STAG1: variants seen among roughly 807,000 people sequenced by gnomAD.
STAG1 encodes STAG1 cohesin complex component.
STAG1 carries 26 observed loss-of-function variants against 170.9 expected under a neutral mutation model. The observed-to-expected ratio is 0.15, with a 90% CI of 0.11 to 0.21. The LOEUF (loss-of-function observed/expected upper bound fraction) is 0.21, where lower values mean the gene tolerates loss of function less well. Ranked by LOEUF, STAG1 falls within the 10% of genes least tolerant of loss-of-function variation. The pLI is 1.00. For missense variants in STAG1, 964 were observed against 1,509.5 expected (o/e 0.64, Z 5.99); for synonymous variants, 514 against 497.7 (o/e 1.03, Z -0.44).
chr3:136,529,433 A>C (rs573779073), intron 6 of STAG1, among the ~76,000 whole-genome samples: 10 of 152,234 alleles, frequency 6.6e-5, no homozygotes, highest in Admixed American at 6.5e-4. Context: ...CTACCAGTAA[A>C]TTTCTCAGCA....
chr3:136,399,024 TAA>T lies in STAG1; in HGVS notation c.2197-197_2197-196del, dbSNP rs150201188. On this transcript the variant is annotated intron_variant, in intron 21 of 33. Transcript: ENST00000383202. ...CAAACCAATGTATCAATCTGGAGAA[TAA>T]AGACACAACATATGGGAATAAATAC... Among the ~76,000 whole-genome samples, 540 of 152,236 alleles carry T rather than the reference TAA, an allele frequency of 3.5e-3. 7 individuals are homozygous for T. The highest frequency in any genetic ancestry group is 0.012 in the African/African-American group (516 of 41,546).
Position 136,367,101 on chromosome 3 carries a change from T to C in STAG1, c.2546-19A>G. On this transcript the variant is annotated intron_variant, in intron 24 of 33. Transcript: ENST00000383202. ...TCACCCTCTAAACACAGATTACAAA[T>C]TGGTTATGAATTCTGGTACTTTATC... 6.3e-7 allele frequency: 1 copy of C among 1,579,682 alleles called. No homozygotes were observed. The highest frequency in any genetic ancestry group is 1.1e-5 in the South Asian group (1 of 87,100).
At chr3:136,535,551 T>A (rs1410714307) in intron 6 of STAG1, among the ~76,000 whole-genome samples, 2 of 152,210 alleles carry the variant, frequency 1.3e-5, no homozygotes, top group African/African-American at 2.4e-5. Flanking sequence ...TAATCCCAGC[T>A]ACTTGGGTGG....
intron 10 of STAG1, among the ~76,000 whole-genome samples, chr3:136,474,183 G>C (rs17298525): frequency 0.17 from 26,170 of 152,072 alleles, 2,806 homozygotes; most frequent in Non-Finnish European, 0.24. Context: ...CTTTAATAAA[G>C]TCATCAACTT....
chr3:136,541,547 C>CACACACACTCACACACACACACACAG, intron 6 of STAG1, among the ~76,000 whole-genome samples: 1 of 141,068 alleles, frequency 7.1e-6, no homozygotes, highest in Non-Finnish European at 1.6e-5. Context: ...TTCACACACA[C>CACACACACTCACACACACACACACAG]ACACACACAC....
intron 7 of STAG1, among the ~76,000 whole-genome samples, chr3:136,515,616 A>G (rs1934332939): frequency 6.6e-6 from 1 of 152,312 alleles, no homozygotes; most frequent in African/African-American, 2.4e-5. Context: ...TTATAAAGTA[A>G]TTTTTAAAAT....
chr3:136,653,254 A>G (rs1941275115), intron 1 of STAG1, among the ~76,000 whole-genome samples: 1 of 151,966 alleles, frequency 6.6e-6, no homozygotes, highest in South Asian at 2.1e-4. Flanking sequence ...CCTGGGCAAC[A>G]AGAGCAAAAC....
At chr3:136,528,103 C>A (rs1935157203) in intron 6 of STAG1, among the ~76,000 whole-genome samples, 1 of 152,178 alleles carries the variant, frequency 6.6e-6, no homozygotes, top group Non-Finnish European at 1.5e-5. Flanking sequence ...CCACTAATCT[C>A]CTCAAAGCTG....
intron 20 of STAG1, among the ~76,000 whole-genome samples, chr3:136,420,363 A>C (rs2087916089): frequency 6.6e-6 from 1 of 152,112 alleles, no homozygotes; most frequent in African/African-American, 2.4e-5. Context: ...TTTTTAAAAA[A>C]CAACTATTTT....
Position 136,502,501 on chromosome 3 carries a change from C to A in STAG1, c.828+127G>T. 3 of 1,031,998 alleles carry A rather than the reference C, an allele frequency of 2.9e-6. No individual in the cohort carries two copies. The South Asian group carries it at 5.5e-5, about 19-fold the overall frequency. 63.9% of individuals were successfully genotyped at this position (1,031,998 alleles called of 1,614,324 possible). On this transcript the variant is annotated intron_variant, in intron 8 of 33. Transcript: ENST00000383202. The stretch of plus-strand genomic sequence containing the variant: ...TGAACACTCCAGCTTCATTTGGAAA[C>A]CCTGACATCAAATAATCTAACTAAA...
chr3:136,362,975 C>A lies in STAG1; in HGVS notation c.2787+391G>T, dbSNP rs186781818. The stretch of plus-strand genomic sequence containing the variant: ...ATATATCCACTAGGCCCCCTGAAAT[C>A]ATTTTAAATTACTAAGCATTTATTA... On this transcript the variant is annotated intron_variant, in intron 26 of 33. Transcript: ENST00000383202. Among the ~76,000 whole-genome samples, 1,075 of 152,162 alleles carry A rather than the reference C, an allele frequency of 7.1e-3. 15 individuals are homozygous for A. Among genetic ancestry groups the A allele is most frequent in the African/African-American group, 0.023 (966 of 41,534 alleles).
intron 1 of STAG1, among the ~76,000 whole-genome samples, chr3:136,632,382 T>G (rs931360692): frequency 3.3e-5 from 5 of 152,172 alleles, no homozygotes; most frequent in African/African-American, 1.2e-4. Context: ...TTTGCTTACT[T>G]GCCTACCATC....
chr3:136,342,868 G>C (rs1014210818), intron 30 of STAG1, among the ~76,000 whole-genome samples: 1 of 152,170 alleles, frequency 6.6e-6, no homozygotes, highest in African/African-American at 2.4e-5. Context: ...CACCCTGTAG[G>C]AAGAGGGGTG....
chr3:136,738,275 G>C lies in STAG1; in HGVS notation c.-84+13920C>G, dbSNP rs1046726041. 5.3e-5 allele frequency among the ~76,000 whole-genome samples: 8 copies of C among 151,480 alleles called. No individual in the cohort carries two copies. In the East Asian group the frequency reaches 1.6e-3, roughly 30 times the overall value. On this transcript the variant is annotated intron_variant, in intron 1 of 33. Coordinates refer to ENST00000383202, the MANE Select transcript of STAG1 (RefSeq NM_005862.3). ...GGAGGCCAAGGCGGGCAGATCACCTGAGGTCGGGAGTTCGAGACCAGCCTG... is the reference window on the plus strand; with the variant it reads ...GGAGGCCAAGGCGGGCAGATCACCTCAGGTCGGGAGTTCGAGACCAGCCTG...
intron 7 of STAG1, among the ~76,000 whole-genome samples, chr3:136,511,420 G>C (rs1033321025): frequency 2.6e-5 from 4 of 152,174 alleles, no homozygotes; most frequent in African/African-American, 9.6e-5. Flanking sequence ...TGGTAGACTG[G>C]TTAAAGAAAA....
intron 1 of STAG1, among the ~76,000 whole-genome samples, chr3:136,647,290 G>T (rs974667903): frequency 6.6e-6 from 1 of 152,042 alleles, no homozygotes; most frequent in Admixed American, 6.6e-5. Context: ...ATCTTTCCTG[G>T]CCGGGCATGG....
At chr3:136,428,914 C>A (rs766703356) in intron 16 of STAG1, among the ~76,000 whole-genome samples, 9 of 152,198 alleles carry the variant, frequency 5.9e-5, no homozygotes, top group African/African-American at 1.9e-4. Context: ...GTGGGAGAAT[C>A]ACCTGAGGAA....
intron 4 of STAG1, among the ~76,000 whole-genome samples, chr3:136,578,343 T>A (rs1337238434): frequency 3.9e-5 from 6 of 152,164 alleles, no homozygotes; most frequent in African/African-American, 1.4e-4. Context: ...GGGCAGTAGA[T>A]AACATTACCA....
intron 4 of STAG1, among the ~76,000 whole-genome samples, chr3:136,599,641 CTCTT>C (rs1353530351): frequency 6.6e-6 from 1 of 152,108 alleles, no homozygotes; most frequent in African/African-American, 2.4e-5. Flanking sequence ...CTTTAAATGG[CTCTT>C]TCATGTTTTC....
Sources: gnomAD v4.1 joint callset for allele counts (sites outside exome capture counted in the v4.1 genomes callset) on GRCh38, gnomAD v4.1.1 for gene constraint, MANE v1.5 for transcripts, NCBI Gene and HGNC (gene_info 2026-07-23, HGNC 2026-07-21) for gene names.